Variants in SLCO1C1 observed in about 807,000 individuals in gnomAD.
SLCO1C1 encodes the protein solute carrier organic anion transporter family member 1C1.
In SLCO1C1, 70 loss-of-function variants were observed where a neutral mutation model predicts 76.4. That is an observed-to-expected ratio of 0.92 (90% CI 0.76 to 1.12). SLCO1C1 has a LOEUF of 1.12. Among genes scored for constraint, SLCO1C1 ranks in the 50% most tolerant of loss-of-function variants. The pLI is 0.00. For missense variants in SLCO1C1, 912 were observed against 823.8 expected, an observed-to-expected ratio of 1.11 and a Z score of -1.31; for synonymous variants, 306 against 286.1, an observed-to-expected ratio of 1.07 and a Z score of -0.70.
At position 20,699,681 on chromosome 12, in the gene SLCO1C1, G is replaced by A. The variant is rs759781827; in HGVS notation, c.105G>A (p.Lys35=). ...FKTEYPSSEE[K]QPCCGELKVF... is the part of the protein sequence containing the mutation. ...CAGAATATCCCTCCTCAGAAGAAAA[G>A]CAACCATGCTGTGGTGAACTAAAGG... is the stretch of plus-strand genomic sequence containing the variant. The change falls in exon 2 of 15, where the codon AAG becomes AAA. Residue 35 remains lysine (K), a synonymous_variant. Coordinates refer to ENST00000266509, the MANE Select transcript of SLCO1C1 (RefSeq NM_017435.5). 3 of 1,611,612 alleles carry A rather than the reference G, an allele frequency of 1.9e-6. No individual in the cohort carries two copies. The African/African-American group carries it at 4.0e-5, about 22-fold the overall frequency.
intron 7 of SLCO1C1, among the ~76,000 whole-genome samples, chr12:20,718,286 C>T (rs536517541): frequency 1.7e-4 from 26 of 152,270 alleles, no homozygotes; most frequent in African/African-American, 5.8e-4. Context: ...GTTGAGCCTA[C>T]TTGTCAAGGG....
intron 4 of SLCO1C1, among the ~76,000 whole-genome samples, chr12:20,711,049 T>C (rs1947070958): frequency 6.6e-6 from 1 of 152,132 alleles, no homozygotes; most frequent in Admixed American, 6.6e-5. Context: ...TAAAATACAC[T>C]AACAACAGTT....
intron 9 of SLCO1C1, among the ~76,000 whole-genome samples, chr12:20,724,579 C>T (rs926748602): frequency 4.1e-5 from 6 of 147,984 alleles, no homozygotes; most frequent in Admixed American, 2.7e-4. Flanking sequence ...CTATACTAAA[C>T]TATATTATCA....
At chr12:20,732,000 T>C (rs1948295151) in intron 9 of SLCO1C1, among the ~76,000 whole-genome samples, 1 of 152,180 alleles carries the variant, frequency 6.6e-6, no homozygotes, top group African/African-American at 2.4e-5. Flanking sequence ...TTACCTGCAG[T>C]TGCACAGCTA....
chr12:20,711,339 T>C, intron 4 of SLCO1C1, 47 bp from the exon 5 acceptor site: 1 of 1,588,862 alleles, frequency 6.3e-7, no homozygotes, highest in South Asian at 1.1e-5. Flanking sequence ...ATATTCTTAG[T>C]ATGATGTTAA....
chr12:20,699,801 T>TA, intron 2 of SLCO1C1, 96 bp downstream of exon 2: 28 of 1,317,498 alleles, frequency 2.1e-5, no homozygotes, highest in East Asian at 5.6e-5. Flanking sequence ...GTTTTCTCCT[T>TA]TAAAAAAAAA....
At chr12:20,731,661 T>C (rs1329615836) in intron 9 of SLCO1C1, among the ~76,000 whole-genome samples, 1 of 152,142 alleles carries the variant, frequency 6.6e-6, no homozygotes, top group African/African-American at 2.4e-5. Context: ...AGGTAGACAA[T>C]ATGAGAAATA....
Position 20,740,244 on chromosome 12 carries a change from A to C in SLCO1C1, c.1609A>C (p.Ile537Leu), listed in dbSNP as rs1472307924. The C allele has an allele frequency of 6.2e-7, 1 of 1,613,816 alleles. No homozygotes were observed. The highest frequency in any genetic ancestry group is 8.5e-7 in the Non-Finnish European group (1 of 1,179,950). The change falls in exon 12 of 15, where the codon ATA (isoleucine) becomes CTA (leucine). Residue 537 changes from isoleucine to leucine, a missense_variant. Physicochemically the swap from Ile to Leu is conservative, Grantham distance 5. Transcript: ENST00000266509. ...AASKSGNSSGIVGRCQKDNGC... is the reference protein window; with the variant it reads ...AASKSGNSSGLVGRCQKDNGC... The stretch of plus-strand genomic sequence containing the variant: ...TTCTAAATCCGGAAATTCCTCAGGC[A>C]TAGTGGGAAGATGTCAGAAAGACAA...
Position 20,715,146 on chromosome 12 carries a change from A to G in SLCO1C1, c.537A>G (p.Glu179=), listed in dbSNP as rs140420701. The G allele has an allele frequency of 8.1e-6, 13 of 1,613,934 alleles. No individual in the cohort carries two copies. The highest frequency in any genetic ancestry group is 1.0e-5 in the Non-Finnish European group (12 of 1,179,914). Residue 179 remains glutamate (E), a synonymous_variant, in exon 6 of 15, where the codon GAA becomes GAG. Coordinates refer to ENST00000266509, the MANE Select transcript of SLCO1C1 (RefSeq NM_017435.5). ...GTTTGCCTTTCTTTCAAGAATGTGA[A>G]GTGGACACTAGCTCTTCCATGTGGA... ...KSKSKISNEC[E]VDTSSSMWIY...
chr12:20,747,336 C>T (rs1036277477), intron 13 of SLCO1C1, among the ~76,000 whole-genome samples: 2 of 151,982 alleles, frequency 1.3e-5, no homozygotes, highest in Admixed American at 1.3e-4. Context: ...GTCTGAGTCA[C>T]AAGAATTGCT....
At chr12:20,729,206 C>T (rs1948161595) in intron 9 of SLCO1C1, among the ~76,000 whole-genome samples, 1 of 152,104 alleles carries the variant, frequency 6.6e-6, no homozygotes, top group African/African-American at 2.4e-5. Flanking sequence ...AATTTTTTAT[C>T]AGCTTGACCC....
chr12:20,738,606 C>CT (rs1277431131), intron 11 of SLCO1C1, among the ~76,000 whole-genome samples: 1 of 152,056 alleles, frequency 6.6e-6, no homozygotes, highest in South Asian at 2.1e-4. Flanking sequence ...TCATGCTTCT[C>CT]TTTTTTTCTT....
intron 1 of SLCO1C1, chr12:20,696,754 A>G (rs1946286019): frequency 6.6e-6 from 1 of 152,052 alleles, no homozygotes. Flanking sequence ...TGCAGTTGCA[A>G]ATGAAGAGAG....
intron 9 of SLCO1C1, among the ~76,000 whole-genome samples, chr12:20,729,917 A>G (rs1397038207): frequency 3.9e-5 from 6 of 152,030 alleles, no homozygotes; most frequent in Admixed American, 1.3e-4. Context: ...GTAAATCAGG[A>G]AAGGATATTC....
chr12:20,728,000 G>C (rs1459683320), intron 9 of SLCO1C1, among the ~76,000 whole-genome samples: 2 of 152,140 alleles, frequency 1.3e-5, no homozygotes, highest in East Asian at 3.8e-4. Context: ...GGTGTCTCTT[G>C]CTGCGCAGAA....
intron 13 of SLCO1C1, among the ~76,000 whole-genome samples, chr12:20,746,365 C>A (rs1224736475): frequency 6.7e-6 from 1 of 150,050 alleles, no homozygotes; most frequent in East Asian, 2.0e-4. Context: ...AGAAAAAAAT[C>A]ATTTATCCTG....
intron 3 of SLCO1C1, among the ~76,000 whole-genome samples, chr12:20,702,863 A>G (rs1483037050): frequency 1.3e-5 from 2 of 151,876 alleles, no homozygotes; most frequent in Non-Finnish European, 2.9e-5. Flanking sequence ...TTATTATATA[A>G]AAATATTTTA....
intron 7 of SLCO1C1, among the ~76,000 whole-genome samples, chr12:20,719,714 T>C (rs1299750232): frequency 6.6e-6 from 1 of 152,200 alleles, no homozygotes; most frequent in African/African-American, 2.4e-5. Flanking sequence ...ATGAGGAAGC[T>C]GCAGAAGAAA....
intron 2 of SLCO1C1, chr12:20,700,127 T>C (rs1197519284): frequency 6.6e-6 from 1 of 152,484 alleles, no homozygotes; most frequent in African/African-American, 2.4e-5. Context: ...AAACAATAGT[T>C]TTTAGTTTTT....
Sources: allele counts gnomAD v4.1 joint callset (sites outside exome capture counted in the v4.1 genomes callset), GRCh38; gene constraint gnomAD v4.1.1; transcripts MANE v1.5; gene names NCBI Gene and HGNC (gene_info 2026-07-23, HGNC 2026-07-21).